The following PLEKHA1 variants were observed in gnomAD, a reference collection of about 807,000 sequenced individuals.
PLEKHA1 encodes pleckstrin homology domain-containing family A member 1.
A neutral mutation model predicts 52.0 loss-of-function variants in PLEKHA1; 34 were observed. The ratio of observed to expected loss-of-function variants is 0.65; its 90% CI spans 0.50 to 0.87. PLEKHA1 has a LOEUF of 0.87. PLEKHA1 is among the 40% of genes least tolerant of loss of function. PLEKHA1 has a pLI of 0.00. For synonymous variants in PLEKHA1, 163 were observed against 170.7 expected (o/e 0.95, Z 0.35); for missense variants, 497 against 504.2 (o/e 0.99, Z 0.14).
In PLEKHA1 at chr10:122,431,109, A is replaced by G. The variant is rs895955327; in HGVS notation, c.*1171A>G. 6.8e-6 allele frequency: 1 copy of G among 147,510 alleles called. No individual in the cohort carries two copies. The highest frequency in any genetic ancestry group is 2.5e-5 in the African/African-American group (1 of 40,364). The allele number at this position is 147,510 out of a possible 1,614,324, so 9.1% of individuals were successfully genotyped here. On this transcript the variant is annotated 3_prime_UTR_variant, in exon 12 of 12. Transcript: ENST00000368990. ...AGTTTCCGACGTTGAATTATAGACCAGTTTGAGTAAGTACTGCTTTTTTTT... is the reference window on the plus strand; with the variant it reads ...AGTTTCCGACGTTGAATTATAGACCGGTTTGAGTAAGTACTGCTTTTTTTT...
Position 122,393,101 on chromosome 10 carries a change from C to T in PLEKHA1, c.-20-80C>T. Reference sequence around the variant, plus strand: ...TTACCTAATGTTGGCAAGTTGCCCCCTCATTGAACAGATTTGCAGTCCATG... The same window carrying T: ...TTACCTAATGTTGGCAAGTTGCCCCTTCATTGAACAGATTTGCAGTCCATG... On this transcript the variant is annotated intron_variant, in intron 1 of 11. Coordinates refer to ENST00000368990, the MANE Select transcript of PLEKHA1 (RefSeq NM_001001974.4). This position sits in a 1 kb window ranked among gnomAD's most constrained non-coding sequence, Gnocchi z 4.5. 1.7e-6 allele frequency: 2 copies of T among 1,179,690 alleles called. No homozygotes were observed. The highest frequency in any genetic ancestry group is 2.3e-6 in the Non-Finnish European group (2 of 865,264). 73.1% of individuals were successfully genotyped at this position (1,179,690 alleles called of 1,614,324 possible).
intron 10 of PLEKHA1, among the ~76,000 whole-genome samples, 155 bp from the exon 11 acceptor site, chr10:122,426,787 C>CT (rs2097345674): frequency 6.6e-6 from 1 of 152,008 alleles, no homozygotes; most frequent in Admixed American, 6.5e-5. Context: ...CAAAACCTGG[C>CT]TTTAAAAAAA....
At chr10:122,426,409 G>A (rs1440135815) in intron 10 of PLEKHA1, among the ~76,000 whole-genome samples, 4 of 151,832 alleles carry the variant, frequency 2.6e-5, no homozygotes, top group Admixed American at 1.3e-4. Context: ...GAAACAAGAG[G>A]CAGTATCTCT....
intron 10 of PLEKHA1, 164 bp downstream of exon 10, chr10:122,425,123 G>A: frequency 2.2e-6 from 1 of 462,476 alleles, no homozygotes; most frequent in East Asian, 3.4e-5. Flanking sequence ...TTATTGGTGG[G>A]GTTATATGTT....
At chr10:122,439,476 A>T in the PLEKHA1 span, 1 of 151,742 alleles carries the variant, frequency 6.6e-6, no homozygotes, top group Admixed American at 6.6e-5. Context: ...TCACGCCTGT[A>T]ATCCTAGCAT....
intron 1 of PLEKHA1, among the ~76,000 whole-genome samples, chr10:122,381,345 G>C (rs528565324): frequency 6.6e-6 from 1 of 152,280 alleles, no homozygotes; most frequent in South Asian, 2.1e-4. Context: ...TTGGATTTGT[G>C]TCCCCACCCA....
intron 1 of PLEKHA1, among the ~76,000 whole-genome samples, chr10:122,378,460 G>T (rs994566352): frequency 1.3e-5 from 2 of 151,246 alleles, no homozygotes; most frequent in East Asian, 3.9e-4. Flanking sequence ...TCTAGGCTGG[G>T]CTCAGTGGCT....
At chr10:122,397,255 T>C (rs1203338200) in intron 2 of PLEKHA1, among the ~76,000 whole-genome samples, 1 of 152,140 alleles carries the variant, frequency 6.6e-6, no homozygotes, top group Non-Finnish European at 1.5e-5. Flanking sequence ...ACTTCAGTCT[T>C]TCTGGATAGC....
intron 2 of PLEKHA1, 32 bp from the exon 3 acceptor site, chr10:122,397,886 A>G (rs1310900901): frequency 3.4e-6 from 5 of 1,472,586 alleles, no homozygotes; most frequent in Non-Finnish European, 3.8e-6. Context: ...ATAATATTGG[A>G]TATTAAGTAT....
chr10:122,391,836 AT>A (rs1352220569), intron 1 of PLEKHA1, among the ~76,000 whole-genome samples: 3 of 152,088 alleles, frequency 2.0e-5, no homozygotes, highest in African/African-American at 4.8e-5. Context: ...ACACAAACTT[AT>A]TGGATGGTTT....
chr10:122,389,864 C>T (rs1245952331), intron 1 of PLEKHA1, among the ~76,000 whole-genome samples: 5 of 151,122 alleles, frequency 3.3e-5, no homozygotes, highest in Non-Finnish European at 7.4e-5. Context: ...GTGACTTCAA[C>T]TTAAAGTCAG....
chr10:122,425,818 G>T (rs954582977), intron 10 of PLEKHA1: 1 of 151,138 alleles, frequency 6.6e-6, no homozygotes, highest in Non-Finnish European at 1.5e-5. Context: ...AAAGATTTCA[G>T]AAAAATGTGG....
At chr10:122,441,335 G>A in the PLEKHA1 span, 2 of 152,100 alleles carry the variant, frequency 1.3e-5, no homozygotes, top group Non-Finnish European at 2.9e-5. Flanking sequence ...AGGCATGGTG[G>A]TGTGTGTCTG....
intron 1 of PLEKHA1, among the ~76,000 whole-genome samples, chr10:122,376,764 A>G (rs917846814): frequency 2.0e-5 from 3 of 152,190 alleles, no homozygotes; most frequent in Admixed American, 6.5e-5. Context: ...AATTGTGAGG[A>G]AACTGCCATG....
At chr10:122,438,735 G>A in the PLEKHA1 span, 8,418 of 152,158 alleles carry the variant, frequency 0.055, 354 homozygotes, top group Non-Finnish European at 0.074. Flanking sequence ...TTTTTGTCAC[G>A]CTCCTGACTT....
At chr10:122,423,411 G>A (rs1225503859) in intron 8 of PLEKHA1, 1 of 130,778 alleles carries the variant, frequency 7.6e-6, no homozygotes, top group Non-Finnish European at 1.6e-5. Flanking sequence ...GGCAACAAGA[G>A]CGAAACTCCA....
chr10:122,418,596 C>T (rs1285341684), intron 8 of PLEKHA1: 1 of 152,110 alleles, frequency 6.6e-6, no homozygotes, highest in Non-Finnish European at 1.5e-5. Flanking sequence ...ATTTCTTTCT[C>T]TTGAGATTTT....
chr10:122,441,047 C>T, the PLEKHA1 span: 1 of 152,174 alleles, frequency 6.6e-6, no homozygotes, highest in East Asian at 1.9e-4. Context: ...CCAACAATGT[C>T]AACATTACTG....
intron 4 of PLEKHA1, among the ~76,000 whole-genome samples, chr10:122,401,417 G>C (rs1466974895): frequency 2.0e-5 from 3 of 152,102 alleles, no homozygotes; most frequent in Admixed American, 6.6e-5. Context: ...GTAAGGTCCT[G>C]AGTTAGGGTG....
Sources: gnomAD v4.1 joint callset for allele counts (sites outside exome capture counted in the v4.1 genomes callset) on GRCh38, gnomAD v4.1.1 for gene constraint, Gnocchi (gnomAD v3.1) non-coding constraint, MANE v1.5 for transcripts, NCBI Gene and HGNC (gene_info 2026-07-23, HGNC 2026-07-21) for gene names.